Variants in CIT observed in about 807,000 individuals in gnomAD.
The protein encoded by CIT is citron rho-interacting serine/threonine kinase, also known as citron Rho-interacting kinase.
In CIT, 79 loss-of-function variants were observed where a neutral mutation model predicts 272.7. The ratio of observed to expected loss-of-function variants is 0.29; its 90% CI spans 0.24 to 0.35. The LOEUF (loss-of-function observed/expected upper bound fraction) is 0.35, where lower values mean the gene tolerates loss of function less well. CIT is among the 10% of genes least tolerant of loss of function. The pLI is 1.00. For missense variants in CIT, 1,909 were observed against 2,618.3 expected, an observed-to-expected ratio of 0.73 and a Z score of 5.91; for synonymous variants, 948 against 995.6, an observed-to-expected ratio of 0.95 and a Z score of 0.90.
intron 27 of CIT, 61 bp downstream of exon 27, chr12:119,730,434 G>C: frequency 6.6e-7 from 1 of 1,523,256 alleles, no homozygotes; most frequent in Non-Finnish European, 8.9e-7. Context: ...TTTATCAAGC[G>C]TGCCTTTAAA....
chr12:119,855,097 A>G (rs969899344), intron 4 of CIT, among the ~76,000 whole-genome samples: 1 of 151,768 alleles, frequency 6.6e-6, no homozygotes, highest in Non-Finnish European at 1.5e-5. Context: ...GCATTCCAGC[A>G]CAGATGACAG....
At chr12:119,761,444 T>C (rs1056472821) in intron 19 of CIT, among the ~76,000 whole-genome samples, 1 of 152,138 alleles carries the variant, frequency 6.6e-6, no homozygotes, top group Non-Finnish European at 1.5e-5. Context: ...TGGGGACAAC[T>C]TTTTCTTCGC....
At chr12:119,846,985 G>T (rs541915473) in intron 5 of CIT, among the ~76,000 whole-genome samples, 1 of 122,380 alleles carries the variant, frequency 8.2e-6, no homozygotes, top group East Asian at 2.4e-4. Flanking sequence ...TCAAGGGAAC[G>T]TCTTTTTTTT....
Position 119,784,250 on chromosome 12 carries a change from C to A in CIT, c.1402-199G>T. On this transcript the variant is annotated intron_variant, in intron 11 of 47. Coordinates refer to ENST00000392521, the MANE Select transcript of CIT (RefSeq NM_001206999.2). The surrounding 1 kb of genome is among the most constrained non-coding windows in gnomAD (Gnocchi z 4.7). Reference sequence around the variant, plus strand: ...TAAGGACAGTCACCAAATGCTAAGTCACTCCTCTCATTCAAGTCCCGGTTC... The same window carrying A: ...TAAGGACAGTCACCAAATGCTAAGTAACTCCTCTCATTCAAGTCCCGGTTC... The A allele has an allele frequency of 6.3e-7, 1 of 1,588,082 alleles. No homozygotes were observed. The highest frequency in any genetic ancestry group is 8.6e-7 in the Non-Finnish European group (1 of 1,164,294).
At chr12:119,775,666 T>G (rs1317431920) in intron 16 of CIT, 120 bp downstream of exon 16, 1 of 716,352 alleles carries the variant, frequency 1.4e-6, no homozygotes, top group Non-Finnish European at 2.4e-6. Context: ...CCCCCTTCAT[T>G]TTCCTCAGCG....
intron 18 of CIT, among the ~76,000 whole-genome samples, chr12:119,769,056 A>T (rs1177558638): frequency 6.9e-6 from 1 of 145,798 alleles, no homozygotes; most frequent in East Asian, 2.0e-4. Flanking sequence ...TTTATGTTAG[A>T]AATCATTTGA....
At chr12:119,741,905 T>C (rs547975272) in intron 24 of CIT, among the ~76,000 whole-genome samples, 46 of 152,302 alleles carry the variant, frequency 3.0e-4, no homozygotes, top group Non-Finnish European at 4.1e-4. Context: ...GAGTCCTAGA[T>C]TTTGAATTTG....
Position 119,712,274 on chromosome 12 carries a change from T to C in CIT, c.4758A>G (p.Leu1586=). 1 of 1,614,144 alleles carries C rather than the reference T, an allele frequency of 6.2e-7. No homozygotes were observed. Among genetic ancestry groups the C allele is most frequent in the African/African-American group, 1.3e-5 (1 of 75,042 alleles). ...TCWPGRTLYL[L]APSFPDKQRW... ...GCTGTTTGTCAGGGAAGCTGGGAGC[T>C]AGCAAGTAGAGGGTTCTCCCGGGCC... The change falls in exon 37 of 48, where the codon CTA becomes CTG. Residue 1586 remains leucine, a synonymous_variant. Coordinates refer to ENST00000392521, the MANE Select transcript of CIT (RefSeq NM_001206999.2). This position sits in a 1 kb window ranked among gnomAD's most constrained non-coding sequence, Gnocchi z 5.2.
chr12:119,773,176 A>G (rs1255572992), intron 16 of CIT, among the ~76,000 whole-genome samples: 1 of 152,098 alleles, frequency 6.6e-6, no homozygotes, highest in Non-Finnish European at 1.5e-5. Flanking sequence ...CCACCCCACA[A>G]TTAAAATTGA....
intron 5 of CIT, among the ~76,000 whole-genome samples, chr12:119,848,743 G>A (rs1256584010): frequency 6.6e-6 from 1 of 151,724 alleles, no homozygotes. Context: ...TCCCCCACCG[G>A]AGCTGGGCAT....
chr12:119,743,120 T>C (rs530630558), intron 23 of CIT, among the ~76,000 whole-genome samples: 24 of 152,142 alleles, frequency 1.6e-4, no homozygotes, highest in African/African-American at 5.5e-4. Context: ...TGGAAGGATA[T>C]AGGCATCCAT....
rs1966438216 is a variant in CIT, at chr12:119,804,098, G to A, written c.1112-709C>T. On this transcript the variant is annotated intron_variant, in intron 9 of 47. Transcript: ENST00000392521. This position sits in a 1 kb window ranked among gnomAD's most constrained non-coding sequence, Gnocchi z 5.3. ...GCACCAGCCAAATAAAGTTCCTACCGGTGATCTACAGCACCCCTGCGCGCT... is the reference window on the plus strand; with the variant it reads ...GCACCAGCCAAATAAAGTTCCTACCAGTGATCTACAGCACCCCTGCGCGCT... 6 of 901,112 alleles carry A rather than the reference G, an allele frequency of 6.7e-6. No homozygotes were observed. Among genetic ancestry groups the A allele is most frequent in the Non-Finnish European group, 6.6e-6 (5 of 753,284 alleles). The allele number at this position is 901,112 out of a possible 1,614,324, so 55.8% of individuals were successfully genotyped here.
chr12:119,846,888 T>C, intron 5 of CIT, among the ~76,000 whole-genome samples: 1 of 135,542 alleles, frequency 7.4e-6, no homozygotes, highest in Non-Finnish European at 1.6e-5. Flanking sequence ...CATCATCACT[T>C]AAAAAAAAAA....
rs747310422 is a variant in CIT at position 119,757,402 on chromosome 12, C to T, written c.2675G>A (p.Arg892Gln). The change falls in exon 22 of 48, where the codon CGG becomes CAG. Residue 892 changes from arginine (R) to glutamine (Q), a missense_variant. Physicochemically the swap from Arg to Gln is conservative, Grantham distance 43. Coordinates refer to ENST00000392521, the MANE Select transcript of CIT (RefSeq NM_001206999.2). ...CAATCTTGTCTCCAGTTCCAGCAGCCGATTCTTGTCACTGTGGTCTTGGTG... is the reference window on the plus strand; with the variant it reads ...CAATCTTGTCTCCAGTTCCAGCAGCTGATTCTTGTCACTGTGGTCTTGGTG... Reference protein sequence around the residue: ...ISHQDHSDKNRLLELETRLRE... With the variant: ...ISHQDHSDKNQLLELETRLRE... The T allele has an allele frequency of 2.2e-5, 35 of 1,613,992 alleles. No homozygotes were observed. Among genetic ancestry groups the T allele is most frequent in the Non-Finnish European group, 2.8e-5 (33 of 1,180,032 alleles).
chr12:119,840,541 C>G (rs910015982), intron 5 of CIT, among the ~76,000 whole-genome samples: 5 of 152,052 alleles, frequency 3.3e-5, no homozygotes, highest in Non-Finnish European at 7.4e-5. Context: ...CCAAAGGCAA[C>G]AATACACTCA....
At chr12:119,766,513 G>A (rs1419352927) in intron 19 of CIT, among the ~76,000 whole-genome samples, 1 of 152,168 alleles carries the variant, frequency 6.6e-6, no homozygotes, top group Non-Finnish European at 1.5e-5. Context: ...GGGAAGGTAG[G>A]GATGGTTAAT....
chr12:119,696,787 A>C (rs528456976), intron 46 of CIT, among the ~76,000 whole-genome samples: 98 of 152,138 alleles, frequency 6.4e-4, no homozygotes, highest in African/African-American at 2.2e-3. Flanking sequence ...CTCACCTCCC[A>C]AAGTGCTGGG....
At chr12:119,706,852 G>A (rs1325369151) in intron 40 of CIT, among the ~76,000 whole-genome samples, 1 of 152,192 alleles carries the variant, frequency 6.6e-6, no homozygotes, top group Non-Finnish European at 1.5e-5. Context: ...AGGTCTTTGA[G>A]GATCCCCACA....
chr12:119,803,433 T>A lies in CIT; in HGVS notation c.1112-44A>T, dbSNP rs201310117. The A allele has an allele frequency of 1.7e-4, 245 of 1,403,250 alleles. 4 individuals are homozygous for A. The East Asian group carries it at 5.5e-3, about 32-fold the overall frequency. The allele number at this position is 1,403,250 out of a possible 1,614,324, so 86.9% of individuals were successfully genotyped here. A position where few individuals can be genotyped will look rare whatever the true frequency, so the allele number is the denominator to read the frequency against. On this transcript the variant is annotated intron_variant, in intron 9 of 47. Transcript: ENST00000392521. ...GAAAGGAGGCGGGGAGGAAAAAAAA[T>A]TTCAGCCGGATTCAACACTGTTGCG...
Sources: allele counts gnomAD v4.1 joint callset (sites outside exome capture counted in the v4.1 genomes callset), GRCh38; gene constraint gnomAD v4.1.1; non-coding constraint Gnocchi (gnomAD v3.1); transcripts MANE v1.5; gene names NCBI Gene and HGNC (gene_info 2026-07-23, HGNC 2026-07-21).